ADGRF5: variants seen among roughly 807,000 people sequenced by gnomAD.
ADGRF5 encodes G-protein coupled receptor 116.
ADGRF5 carries 75 observed loss-of-function variants against 132.3 expected under a neutral mutation model. The observed-to-expected ratio is 0.57, with a 90% CI of 0.47 to 0.69. ADGRF5 has a LOEUF of 0.69. Among genes scored for constraint, ADGRF5 ranks in the 30% least tolerant of loss-of-function variants. ADGRF5 has a pLI of 0.00. For synonymous variants in ADGRF5, 629 were observed against 597.6 expected (o/e 1.05, Z -0.77); for missense variants, 1,516 against 1,630.6 (o/e 0.93, Z 1.21).
intron 1 of ADGRF5, among the ~76,000 whole-genome samples, chr6:46,915,181 T>C (rs188840277): frequency 1.4e-3 from 207 of 152,196 alleles, no homozygotes; most frequent in Middle Eastern, 6.8e-3. Context: ...TCAAATGTTA[T>C]GTGAGAAAAC....
chr6:46,858,941 C>A lies in ADGRF5; in HGVS notation c.2962G>T (p.Asp988Tyr). Reference protein sequence around the residue: ...GDGDNVTCICDHLTSFSILMS... With the variant: ...GDGDNVTCICYHLTSFSILMS... ...AGGATGGAGAATGATGTTAGGTGGT[C>A]ACAGATACAGGTGACATTGTCCCCA... Residue 988 changes from aspartate to tyrosine, a missense_variant, in exon 17 of 21, where the codon GAC (aspartate) becomes TAC (tyrosine). Physicochemically the swap from Asp to Tyr is radical, Grantham distance 160 (BLOSUM62 -3). This residue lies in a region of ADGRF5 where 571 missense variants were observed against 701.2 expected (regional missense o/e 0.81). Coordinates refer to ENST00000283296, the MANE Select transcript of ADGRF5 (RefSeq NM_001098518.2). 1 of 1,613,852 alleles carries A rather than the reference C, an allele frequency of 6.2e-7. No individual in the cohort carries two copies. Among genetic ancestry groups the A allele is most frequent in the South Asian group, 1.1e-5 (1 of 91,058 alleles).
chr6:46,878,374 A>G lies in ADGRF5; in HGVS notation c.1068T>C (p.Ile356=), dbSNP rs1450747050. The change falls in exon 10 of 21, where the codon ATT becomes ATC. Residue 356 remains isoleucine, a synonymous_variant. Coordinates refer to ENST00000283296, the MANE Select transcript of ADGRF5 (RefSeq NM_001098518.2). ...GEYVCKLILD[I]FEYECKKKID... ...TTTTCTTCTTGCACTCATATTCAAA[A>G]ATGTCTAATATCAGTTTGCAAACAT... is the stretch of plus-strand genomic sequence containing the variant. 4.3e-6 allele frequency: 7 copies of G among 1,610,254 alleles called. No individual in the cohort carries two copies. Among genetic ancestry groups the G allele is most frequent in the Non-Finnish European group, 5.9e-6 (7 of 1,176,772 alleles).
chr6:46,924,626 C>T (rs1009473286), upstream of ADGRF5, among the ~76,000 whole-genome samples: 5 of 152,164 alleles, frequency 3.3e-5, no homozygotes, highest in African/African-American at 9.7e-5. Flanking sequence ...TCCTGACCCA[C>T]GTATTCAACT....
chr6:46,953,651 G>GTATATATATATATATA (rs61302381), intron 1 of ADGRF5, among the ~76,000 whole-genome samples: 3 of 42,192 alleles, frequency 7.1e-5, no homozygotes, highest in Non-Finnish European at 1.4e-4. Context: ...AGATATATGT[G>GTATATATATATATATA]TATATATATA....
intron 11 of ADGRF5, among the ~76,000 whole-genome samples, chr6:46,870,368 G>T (rs1031864563): frequency 6.6e-6 from 1 of 151,892 alleles, no homozygotes; most frequent in Non-Finnish European, 1.5e-5. Flanking sequence ...CCATGTTGCT[G>T]GGGCTAGTCT....
chr6:46,856,087 C>A (rs757067274), intron 19 of ADGRF5, 29 bp from the exon 20 acceptor site: 27 of 1,322,002 alleles, frequency 2.0e-5, no homozygotes, highest in Admixed American at 3.4e-5. Context: ...GGGACAATCA[C>A]AAAGCAAATT....
intron 1 of ADGRF5, among the ~76,000 whole-genome samples, chr6:46,929,039 A>C (rs918228783): frequency 6.6e-6 from 1 of 152,220 alleles, no homozygotes; most frequent in Non-Finnish European, 1.5e-5. Flanking sequence ...AGACACATGC[A>C]CACGTAAGTT....
chr6:46,881,430 A>C (rs770739353), intron 8 of ADGRF5, 25 bp downstream of exon 8: 2 of 1,597,234 alleles, frequency 1.3e-6, no homozygotes, highest in Non-Finnish European at 1.7e-6. Context: ...AAATAACATG[A>C]CCATATCTAA....
intron 1 of ADGRF5, among the ~76,000 whole-genome samples, chr6:46,942,736 A>G (rs575511440): frequency 6.0e-4 from 91 of 152,188 alleles, no homozygotes; most frequent in African/African-American, 2.1e-3. Flanking sequence ...TTCTTTCTCT[A>G]AATATGCCTA....
chr6:46,865,469 C>T (rs539124768), intron 13 of ADGRF5, among the ~76,000 whole-genome samples: 4 of 152,204 alleles, frequency 2.6e-5, no homozygotes, highest in African/African-American at 4.8e-5. Context: ...ATCCTTCTCC[C>T]TATCTAAATT....
chr6:46,901,513 C>A (rs1774760945), intron 2 of ADGRF5, among the ~76,000 whole-genome samples: 1 of 152,200 alleles, frequency 6.6e-6, no homozygotes, highest in Non-Finnish European at 1.5e-5. Context: ...AAACATAATA[C>A]TTCCTAAGAT....
intron 1 of ADGRF5, among the ~76,000 whole-genome samples, chr6:46,917,856 C>G (rs763570327): frequency 1.3e-5 from 2 of 152,198 alleles, no homozygotes; most frequent in Non-Finnish European, 2.9e-5. Context: ...ATGTAACAAA[C>G]CTGCACCTTG....
chr6:46,892,682 G>T (rs985003535), intron 3 of ADGRF5, among the ~76,000 whole-genome samples: 3 of 152,088 alleles, frequency 2.0e-5, no homozygotes, highest in Admixed American at 6.5e-5. Context: ...CCCTGGAGGT[G>T]GAGGTTGCAG....
chr6:46,930,704 CT>C (rs1777513839), intron 1 of ADGRF5, among the ~76,000 whole-genome samples: 1 of 152,194 alleles, frequency 6.6e-6, no homozygotes, highest in South Asian at 2.1e-4. Flanking sequence ...CTTCTCTTCT[CT>C]CCTCAGTCTT....
intron 13 of ADGRF5, among the ~76,000 whole-genome samples, chr6:46,866,156 T>C (rs1010151897): frequency 3.9e-5 from 6 of 152,158 alleles, no homozygotes; most frequent in African/African-American, 1.4e-4. Context: ...ACTTTAAACT[T>C]AGGTTGGCAC....
At chr6:46,895,700 A>G (rs925190991) in intron 3 of ADGRF5, among the ~76,000 whole-genome samples, 4 of 151,076 alleles carry the variant, frequency 2.6e-5, no homozygotes, top group African/African-American at 4.9e-5. Context: ...AGAATAATCA[A>G]CTGGGGCTCT....
chr6:46,934,995 G>A (rs1201193446), intron 1 of ADGRF5, among the ~76,000 whole-genome samples: 1 of 122,058 alleles, frequency 8.2e-6, no homozygotes, highest in East Asian at 2.6e-4. Flanking sequence ...TATGGTGATA[G>A]TTCTTTTTTT....
Position 46,860,368 on chromosome 6 carries a change from C to T in ADGRF5, c.2379+347G>A, listed in dbSNP as rs147705265. ...CTCTATGCTTCCAGAACCTATCCTC[C>T]CACGATTCCTTTAAAGTTCACATTT... On this transcript the variant is annotated intron_variant, in intron 16 of 20. Coordinates refer to ENST00000283296, the MANE Select transcript of ADGRF5 (RefSeq NM_001098518.2). Among the ~76,000 whole-genome samples the T allele has an allele frequency of 3.3e-4, 51 of 152,290 alleles. 1 individual carries two copies. Among genetic ancestry groups the T allele is most frequent in the Admixed American group, 3.3e-4 (5 of 15,306 alleles).
At chr6:46,941,233 G>C (rs1778032801) in intron 1 of ADGRF5, among the ~76,000 whole-genome samples, 1 of 151,922 alleles carries the variant, frequency 6.6e-6, no homozygotes, top group Non-Finnish European at 1.5e-5. Context: ...GTGGGGCTAA[G>C]GTGGGAGGAT....
Sources: allele counts gnomAD v4.1 joint callset (sites outside exome capture counted in the v4.1 genomes callset), GRCh38; gene constraint gnomAD v4.1.1; regional missense constraint gnomAD v4.1.1; transcripts MANE v1.5; gene names NCBI Gene and HGNC (gene_info 2026-07-23, HGNC 2026-07-21).